CDC42EP3: variants seen among roughly 807,000 people sequenced by gnomAD.
CDC42EP3 encodes the protein CDC42 effector protein 3, also known as CDC42 effector protein (Rho GTPase binding) 3.
In CDC42EP3, 4 loss-of-function variants were observed where a neutral mutation model predicts 15.5. That is an observed-to-expected ratio of 0.26 (90% CI 0.13 to 0.59). The LOEUF (loss-of-function observed/expected upper bound fraction) is 0.59. Ranked by LOEUF, CDC42EP3 falls within the 20% of genes least tolerant of loss-of-function variation. The pLI is 0.89. For synonymous variants in CDC42EP3, 145 were observed against 130.3 expected, an observed-to-expected ratio of 1.11 and a Z score of -0.77; for missense variants, 309 against 311.2, an observed-to-expected ratio of 0.99 and a Z score of 0.05.
intron 1 of CDC42EP3, among the ~76,000 whole-genome samples, chr2:37,665,249 G>A (rs547264225): frequency 2.2e-4 from 33 of 152,270 alleles, no homozygotes; most frequent in African/African-American, 7.7e-4. Flanking sequence ...AGGGCCAGGA[G>A]AGGGCCTGGG....
chr2:37,664,949 A>AAT (rs1666205512), intron 1 of CDC42EP3, among the ~76,000 whole-genome samples: 1 of 152,038 alleles, frequency 6.6e-6, no homozygotes, highest in African/African-American at 2.4e-5. Context: ...CAGAAAGACT[A>AAT]ATGATCAGGT....
In CDC42EP3 at chr2:37,643,536, A is replaced by G. The variant is rs1196654243; in HGVS notation, c.*2287T>C. ...AGAATCTATCAAACCCAGTACTGGCAGGGCTGTTCTCTCCCCAGTACTTAC... is the reference window on the plus strand; with the variant it reads ...AGAATCTATCAAACCCAGTACTGGCGGGGCTGTTCTCTCCCCAGTACTTAC... On this transcript the variant is annotated 3_prime_UTR_variant, in exon 2 of 2. Transcript: ENST00000295324. The G allele has an allele frequency of 6.6e-6, 1 of 152,220 alleles. No individual in the cohort carries two copies. Among genetic ancestry groups the G allele is most frequent in the East Asian group, 1.9e-4 (1 of 5,206 alleles). 9.4% of individuals were successfully genotyped at this position (152,220 alleles called of 1,614,324 possible).
chr2:37,646,169 A>G lies in CDC42EP3; in HGVS notation c.419T>C (p.Leu140Pro). ...SKQESFGPAK[L>P]PRLSCEPVME... ...GACGGGCTCGCAGCTAAGCCTGGGC[A>G]GCTTTGCTGGCCCGAAGGACTCCTG... The change falls in exon 2 of 2, where the codon CTG becomes CCG. Residue 140 changes from leucine to proline, a missense_variant. By Grantham distance (98) the Leu-to-Pro change is moderately conservative. Transcript: ENST00000295324. The G allele has an allele frequency of 6.2e-7, 1 of 1,614,154 alleles. No homozygotes were observed. Among genetic ancestry groups the G allele is most frequent in the Non-Finnish European group, 8.5e-7 (1 of 1,179,984 alleles).
chr2:37,664,988 G>T (rs1238342847), intron 1 of CDC42EP3, among the ~76,000 whole-genome samples: 1 of 152,026 alleles, frequency 6.6e-6, no homozygotes, highest in Non-Finnish European at 1.5e-5. Context: ...GTGATGAAAT[G>T]ATCTGTACAT....
rs1411100550 is a variant in CDC42EP3 at position 37,659,480 on chromosome 2, T to C, written c.-236+11946A>G. Among the ~76,000 whole-genome samples, 4 of 152,216 alleles carry C rather than the reference T, an allele frequency of 2.6e-5. No individual in the cohort carries two copies. In the South Asian group the frequency reaches 6.2e-4, roughly 24 times the overall value. ...GGACCATACAGATCTTTGGCAAATA[T>C]ACAGATAAAAAATATAGATCTTAAG... On this transcript the variant is annotated intron_variant, in intron 1 of 1. Transcript: ENST00000295324.
intron 1 of CDC42EP3, among the ~76,000 whole-genome samples, chr2:37,650,561 A>G (rs1409337503): frequency 6.6e-6 from 1 of 152,180 alleles, no homozygotes; most frequent in Non-Finnish European, 1.5e-5. Context: ...TACTGTGACT[A>G]TCCTCATTTT....
chr2:37,652,321 T>C (rs942708829), intron 1 of CDC42EP3, among the ~76,000 whole-genome samples: 1 of 151,954 alleles, frequency 6.6e-6, no homozygotes, highest in East Asian at 1.9e-4. Flanking sequence ...AAGAAGGATC[T>C]GCTTGGAGGA....
rs1449021749 is a variant in CDC42EP3, at chr2:37,642,819, C to G, written c.*3004G>C. 6.6e-6 allele frequency: 1 copy of G among 152,148 alleles called. No homozygotes were observed. The highest frequency in any genetic ancestry group is 6.5e-5 in the Admixed American group (1 of 15,276). 9.4% of individuals were successfully genotyped at this position (152,148 alleles called of 1,614,324 possible). On this transcript the variant is annotated 3_prime_UTR_variant, in exon 2 of 2. Coordinates refer to ENST00000295324, the MANE Select transcript of CDC42EP3 (RefSeq NM_006449.5). ...AAGGACTAAACTGTGATTCTGGAGA[C>G]CCGGGTTTCTCTTTGCTGTTCAACC...
intron 1 of CDC42EP3, among the ~76,000 whole-genome samples, chr2:37,660,357 G>C (rs1666016090): frequency 6.6e-6 from 1 of 152,184 alleles, no homozygotes; most frequent in Admixed American, 6.5e-5. Flanking sequence ...ATGGGACATA[G>C]GGCTGGGGCT....
intron 1 of CDC42EP3, among the ~76,000 whole-genome samples, chr2:37,667,059 C>G (rs929395079): frequency 6.6e-6 from 1 of 152,178 alleles, no homozygotes; most frequent in Admixed American, 6.5e-5. Flanking sequence ...CTGATCCCCA[C>G]AGCTAATCAC....
chr2:37,645,226 G>GTCTT lies in CDC42EP3; in HGVS notation c.*593_*596dup, dbSNP rs1665411769. 1 of 152,562 alleles carries GTCTT rather than the reference G, an allele frequency of 6.6e-6. No individual in the cohort carries two copies. Among genetic ancestry groups the GTCTT allele is most frequent in the African/African-American group, 2.4e-5 (1 of 41,428 alleles). The allele number at this position is 152,562 out of a possible 1,614,324, so 9.5% of individuals were successfully genotyped here. ...TTAGTTACAGTAATACTTTGCCTGTGTCTTACCAACATGTAGCTGACAGTC... is the reference window on the plus strand; with the variant it reads ...TTAGTTACAGTAATACTTTGCCTGTGTCTTTCTTACCAACATGTAGCTGACAGTC... On this transcript the variant is annotated 3_prime_UTR_variant, in exon 2 of 2. Coordinates refer to ENST00000295324, the MANE Select transcript of CDC42EP3 (RefSeq NM_006449.5).
At chr2:37,648,136 G>C (rs6752220) in intron 1 of CDC42EP3, among the ~76,000 whole-genome samples, 55,854 of 152,116 alleles carry the variant, frequency 0.37, 11,728 homozygotes, top group East Asian at 0.59. Context: ...GTTGTAATGT[G>C]CTCTTTTGCC....
In CDC42EP3 at chr2:37,646,016, C is replaced by T. The variant is rs148928307; in HGVS notation, c.572G>A (p.Ser191Asn). ...SSQGRDSHSS[S>N]LSEQYPDWPA... ...CCAGTCGGGGTACTGTTCGGACAGGCTGGAGGAGTGGCTGTCTCTGCCTTG... is the reference window on the plus strand; with the variant it reads ...CCAGTCGGGGTACTGTTCGGACAGGTTGGAGGAGTGGCTGTCTCTGCCTTG... Residue 191 changes from serine (S) to asparagine (N), a missense_variant, in exon 2 of 2, where the codon AGC becomes AAC. By Grantham distance (46) the Ser-to-Asn change is conservative (BLOSUM62 1). Transcript: ENST00000295324. 1 of 1,613,842 alleles carries T rather than the reference C, an allele frequency of 6.2e-7. No homozygotes were observed. The highest frequency in any genetic ancestry group is 8.5e-7 in the Non-Finnish European group (1 of 1,179,850).
intron 1 of CDC42EP3, among the ~76,000 whole-genome samples, chr2:37,648,028 C>CAAGT (rs1558336874): frequency 6.6e-6 from 1 of 152,192 alleles, no homozygotes; most frequent in African/African-American, 2.4e-5. Context: ...TGTAAGCCCT[C>CAAGT]AAGTTTGTGG....
At position 37,644,565 on chromosome 2, in the gene CDC42EP3, G is replaced by A. The variant is rs955821048; in HGVS notation, c.*1258C>T. The A allele has an allele frequency of 3.3e-5, 5 of 151,258 alleles. No individual in the cohort carries two copies. The highest frequency in any genetic ancestry group is 1.2e-4 in the African/African-American group (5 of 41,070). The allele number at this position is 151,258 out of a possible 1,614,324, so 9.4% of individuals were successfully genotyped here. A position where few individuals can be genotyped will look rare whatever the true frequency, so the allele number is the denominator to read the frequency against. ...CTTGCAAGAGTTTGCTGTAGAAGGT[G>A]TTCAAGTCAGGAAGATGCTCAGAAA... is the stretch of plus-strand genomic sequence containing the variant. On this transcript the variant is annotated 3_prime_UTR_variant, in exon 2 of 2. Transcript: ENST00000295324.
intron 1 of CDC42EP3, among the ~76,000 whole-genome samples, chr2:37,649,006 C>A (rs1354689210): frequency 6.6e-6 from 1 of 151,668 alleles, no homozygotes; most frequent in Non-Finnish European, 1.5e-5. Context: ...CATGCCAGGG[C>A]TGCCTGGGGT....
chr2:37,663,676 T>G (rs1348422255), intron 1 of CDC42EP3, among the ~76,000 whole-genome samples: 1 of 152,230 alleles, frequency 6.6e-6, no homozygotes, highest in Non-Finnish European at 1.5e-5. Context: ...GTAACTTTAC[T>G]ACAGCAGGAC....
At chr2:37,672,751 G>A (rs1240950682), upstream of CDC42EP3, among the ~76,000 whole-genome samples, 1 of 152,198 alleles carries the variant, frequency 6.6e-6, no homozygotes, top group Non-Finnish European at 1.5e-5. Context: ...GGAGTCGGAC[G>A]CTGGGGGCCT....
rs1228742011 is a variant in CDC42EP3 at position 37,645,553 on chromosome 2, G to A, written c.*270C>T. 2 of 289,680 alleles carry A rather than the reference G, an allele frequency of 6.9e-6. No homozygotes were observed. The highest frequency in any genetic ancestry group is 1.3e-5 in the Non-Finnish European group (2 of 155,868). The allele number at this position is 289,680 out of a possible 1,614,324, so 17.9% of individuals were successfully genotyped here. A position where few individuals can be genotyped will look rare whatever the true frequency, so the allele number is the denominator to read the frequency against. The stretch of plus-strand genomic sequence containing the variant: ...GCCAAGCCAGATTTCTTGTGTGTCT[G>A]CAAACAATATGTGAGCCGAACATCA... On this transcript the variant is annotated 3_prime_UTR_variant, in exon 2 of 2. Coordinates refer to ENST00000295324, the MANE Select transcript of CDC42EP3 (RefSeq NM_006449.5).
Sources: allele counts gnomAD v4.1 joint callset (sites outside exome capture counted in the v4.1 genomes callset), GRCh38; gene constraint gnomAD v4.1.1; transcripts MANE v1.5; gene names NCBI Gene and HGNC (gene_info 2026-07-23, HGNC 2026-07-21).